The following LINGO2 variants were observed in gnomAD, a reference collection of about 807,000 sequenced individuals.
LINGO2 encodes leucine-rich repeat and immunoglobulin-like domain-containing nogo receptor-interacting protein 2.
LINGO2 carries 14 observed loss-of-function variants against 30.6 expected under a neutral mutation model. That is an observed-to-expected ratio of 0.46 (90% confidence interval 0.30 to 0.72). The LOEUF (loss-of-function observed/expected upper bound fraction) is 0.72, where lower values mean the gene tolerates loss of function less well. Ranked by LOEUF, LINGO2 falls within the 30% of genes least tolerant of loss-of-function variation. LINGO2 has a pLI of 0.07. For synonymous variants in LINGO2, 317 were observed against 288.5 expected, an observed-to-expected ratio of 1.10 and a Z score of -1.00; for missense variants, 729 against 751.7, an observed-to-expected ratio of 0.97 and a Z score of 0.35.
the LINGO2 span, among the ~76,000 whole-genome samples, chr9:29,092,537 A>G: frequency 2.6e-5 from 4 of 152,080 alleles, no homozygotes; most frequent in Non-Finnish European, 5.9e-5. Flanking sequence ...TAACTCATAC[A>G]GTGATATATA....
the LINGO2 span, among the ~76,000 whole-genome samples, chr9:28,850,168 G>T: frequency 6.6e-6 from 1 of 151,808 alleles, no homozygotes; most frequent in Non-Finnish European, 1.5e-5. Flanking sequence ...CACATTACAT[G>T]AGCCACTCTT....
At chr9:28,720,431 C>G in the LINGO2 span, among the ~76,000 whole-genome samples, 1 of 152,174 alleles carries the variant, frequency 6.6e-6, no homozygotes, top group East Asian at 1.9e-4. Context: ...TTACAATCAT[C>G]TGTTTACTGG....
the LINGO2 span, among the ~76,000 whole-genome samples, chr9:29,071,179 G>A: frequency 2.6e-4 from 26 of 100,868 alleles, no homozygotes; most frequent in South Asian, 6.6e-4. Flanking sequence ...GTATTGTATT[G>A]TATTGTATTG....
intron 1 of LINGO2, among the ~76,000 whole-genome samples, chr9:28,540,938 A>G (rs557990777): frequency 6.6e-6 from 1 of 152,328 alleles, no homozygotes; most frequent in East Asian, 1.9e-4. Context: ...AGTTAAAAAC[A>G]AAGTCTTTTA....
chr9:28,913,849 T>G, the LINGO2 span, among the ~76,000 whole-genome samples: 1 of 152,164 alleles, frequency 6.6e-6, no homozygotes, highest in Admixed American at 6.5e-5. Flanking sequence ...TAATACGTTA[T>G]AGTGAGTACA....
chr9:28,189,177 GAT>G (rs1441310904), intron 4 of LINGO2, among the ~76,000 whole-genome samples: 5 of 149,332 alleles, frequency 3.3e-5, no homozygotes, highest in Non-Finnish European at 5.9e-5. Flanking sequence ...TGAAAACAAA[GAT>G]AGCCAGAGCA....
chr9:28,816,204 A>T, the LINGO2 span, among the ~76,000 whole-genome samples: 6 of 152,328 alleles, frequency 3.9e-5, no homozygotes, highest in Non-Finnish European at 8.8e-5. Flanking sequence ...CCCACCTCTT[A>T]ACACTGTGGC....
upstream of LINGO2, among the ~76,000 whole-genome samples, chr9:28,673,047 G>A (rs930533911): frequency 6.6e-6 from 1 of 152,142 alleles, no homozygotes; most frequent in Non-Finnish European, 1.5e-5. Flanking sequence ...GAATAAAGAA[G>A]TTGGGTGAAA....
rs142763210 is a variant in LINGO2, at chr9:28,170,841, C to T, written c.-87+124367G>A. Among the ~76,000 whole-genome samples the T allele has an allele frequency of 1.3e-3, 203 of 152,312 alleles. 1 individual carries two copies. In the South Asian group the frequency reaches 0.019, roughly 14 times the overall value. ...CTTCCCTTTACTAACACCCTGGGAG[C>T]AAACCCAGAAAATCCAGGATAATCT... On this transcript the variant is annotated intron_variant, in intron 4 of 5. Coordinates refer to ENST00000379992, the Ensembl canonical transcript of LINGO2.
At chr9:29,017,653 A>C in the LINGO2 span, among the ~76,000 whole-genome samples, 1 of 152,088 alleles carries the variant, frequency 6.6e-6, no homozygotes, top group Non-Finnish European at 1.5e-5. Context: ...TGAGACAGAG[A>C]ACAGAGAAGA....
chr9:28,370,816 C>T (rs193091816), intron 3 of LINGO2, among the ~76,000 whole-genome samples: 5 of 152,228 alleles, frequency 3.3e-5, no homozygotes, highest in Admixed American at 3.3e-4. Flanking sequence ...CATTAGTGAA[C>T]TCTGATTTAG....
intron 1 of LINGO2, among the ~76,000 whole-genome samples, chr9:28,535,228 G>A (rs1821377914): frequency 2.6e-5 from 4 of 152,098 alleles, no homozygotes; most frequent in Admixed American, 2.0e-4. Flanking sequence ...AGGTCACATT[G>A]AAAAGTGTGC....
At chr9:28,628,168 A>G (rs1035684879) in intron 1 of LINGO2, among the ~76,000 whole-genome samples, 5 of 152,122 alleles carry the variant, frequency 3.3e-5, no homozygotes, top group Non-Finnish European at 7.4e-5. Context: ...ACCATGCAGC[A>G]GATTTCAGTA....
chr9:29,188,747 G>T, the LINGO2 span, among the ~76,000 whole-genome samples: 1 of 141,348 alleles, frequency 7.1e-6, no homozygotes, highest in Non-Finnish European at 1.6e-5. Flanking sequence ...TGGCCGGGCA[G>T]AGGGGCTCCT....
chr9:28,621,177 C>T (rs1385382287), intron 1 of LINGO2, among the ~76,000 whole-genome samples: 1 of 151,798 alleles, frequency 6.6e-6, no homozygotes, highest in East Asian at 1.9e-4. Flanking sequence ...CAATTTTAAA[C>T]TATATAACAT....
chr9:28,725,174 TC>T, the LINGO2 span, among the ~76,000 whole-genome samples: 2 of 151,928 alleles, frequency 1.3e-5, no homozygotes, highest in African/African-American at 4.8e-5. Context: ...ATGAACTCAA[TC>T]AAAAAAATTT....
intron 5 of LINGO2, among the ~76,000 whole-genome samples, chr9:27,958,014 TCTTC>T (rs766091671): frequency 2.6e-5 from 4 of 152,238 alleles, no homozygotes; most frequent in Non-Finnish European, 4.4e-5. Flanking sequence ...CTGAGAGCTA[TCTTC>T]CTTCCTTTCC....
At chr9:28,418,796 G>A (rs1823074153) in intron 2 of LINGO2, among the ~76,000 whole-genome samples, 1 of 151,922 alleles carries the variant, frequency 6.6e-6, no homozygotes, top group African/African-American at 2.4e-5. Flanking sequence ...ATTGCAAAAG[G>A]AAATGTCTGT....
intron 3 of LINGO2, among the ~76,000 whole-genome samples, chr9:28,325,566 T>C (rs542829394): frequency 6.6e-6 from 1 of 152,254 alleles, no homozygotes; most frequent in East Asian, 1.9e-4. Flanking sequence ...ATACTGTTCT[T>C]GTGGAAGTGA....
Sources: allele counts gnomAD v4.1 joint callset (sites outside exome capture counted in the v4.1 genomes callset), GRCh38; gene constraint gnomAD v4.1.1; transcripts MANE v1.5; gene names NCBI Gene and HGNC (gene_info 2026-07-23, HGNC 2026-07-21).